The following NUFIP2 variants were observed in gnomAD, a reference collection of about 807,000 sequenced individuals.
NUFIP2 encodes FMR1-interacting protein NUFIP2.
In NUFIP2, 6 loss-of-function variants were observed where a neutral mutation model predicts 56.9. That is an observed-to-expected ratio of 0.11 (90% CI 0.06 to 0.21). The LOEUF is 0.21. Ranked by LOEUF, NUFIP2 falls within the 10% of genes least tolerant of loss-of-function variation. The pLI is 1.00. For synonymous variants in NUFIP2, 321 were observed against 298.2 expected, an observed-to-expected ratio of 1.08 and a Z score of -0.79; for missense variants, 828 against 826.8, an observed-to-expected ratio of 1.00 and a Z score of -0.02.
In NUFIP2 at chr17:29,280,744, C is replaced by T. The variant is rs567746857; in HGVS notation, c.2002+5248G>A. ...CTCATGCCTGTAATCCCAGCACTTT[C>T]GGAGGCGGAGGTGGGCGGAGAACTT... On this transcript the variant is annotated intron_variant, in intron 2 of 3. Transcript: ENST00000225388. 1.6e-4 allele frequency among the ~76,000 whole-genome samples: 24 copies of T among 151,862 alleles called. 2 individuals are homozygous for T. In the East Asian group the frequency reaches 3.9e-3, roughly 25 times the overall value.
chr17:29,284,821 A>G (rs1338180952), intron 2 of NUFIP2, among the ~76,000 whole-genome samples: 1 of 152,054 alleles, frequency 6.6e-6, no homozygotes, highest in Non-Finnish European at 1.5e-5. Flanking sequence ...GGAGAATCCC[A>G]AGAGCCTGGT....
In NUFIP2 at chr17:29,264,527, C is replaced by A; in HGVS notation, c.*12G>T. 1 of 1,595,442 alleles carries A rather than the reference C, an allele frequency of 6.3e-7. No individual in the cohort carries two copies. Among genetic ancestry groups the A allele is most frequent in the Non-Finnish European group, 8.6e-7 (1 of 1,163,688 alleles). On this transcript the variant is annotated 3_prime_UTR_variant, in exon 4 of 4. Coordinates refer to ENST00000225388, the MANE Select transcript of NUFIP2 (RefSeq NM_020772.3). Reference sequence around the variant, plus strand: ...ATGCTGCAGAAAGGTTACGAATAGGCAGTCTGGTCCTTCATTGATCTGGAC... The same window carrying A: ...ATGCTGCAGAAAGGTTACGAATAGGAAGTCTGGTCCTTCATTGATCTGGAC...
rs2069170997 is a variant in NUFIP2, at chr17:29,285,984, T to C, written c.2002+8A>G. The C allele has an allele frequency of 3.2e-6, 5 of 1,577,168 alleles. No individual in the cohort carries two copies. The highest frequency in any genetic ancestry group is 4.3e-6 in the Non-Finnish European group (5 of 1,162,144). On this transcript the variant is annotated splice_region_variant and intron_variant, in intron 2 of 3. Transcript: ENST00000225388. ...TAAAAATCTTTGTATAGGAAACAAA[T>C]GAGTTACCTTTAGTGTGATATACAA...
At position 29,287,241 on chromosome 17, in the gene NUFIP2, G is replaced by A; in HGVS notation, c.753C>T (p.Val251=). 1 of 1,614,140 alleles carries A rather than the reference G, an allele frequency of 6.2e-7. No individual in the cohort carries two copies. The highest frequency in any genetic ancestry group is 8.5e-7 in the Non-Finnish European group (1 of 1,180,026). ...TTTCAAGTCCCTGTTTTAAGGTTGGGACACTGGTCTCTTGTTGCATTATTT... is the reference window on the plus strand; with the variant it reads ...TTTCAAGTCCCTGTTTTAAGGTTGGAACACTGGTCTCTTGTTGCATTATTT... The part of the protein sequence containing the change: ...QDKIMQQETS[V]PTLKQGLETF... The change falls in exon 2 of 4, where the codon GTC becomes GTT. Residue 251 remains valine, a synonymous_variant. Transcript: ENST00000225388.
Position 29,276,029 on chromosome 17 carries a change from A to AATATATATATATATAT in NUFIP2, c.2003-8515_2003-8500dup, listed in dbSNP as rs71135888. 2.3e-3 allele frequency among the ~76,000 whole-genome samples: 320 copies of AATATATATATATATAT among 138,176 alleles called. 7 individuals carry two copies. Among genetic ancestry groups the AATATATATATATATAT allele is most frequent in the African/African-American group, 8.3e-3 (298 of 35,754 alleles). 90.6% of individuals were successfully genotyped at this position (138,176 alleles called of 152,430 possible). On this transcript the variant is annotated intron_variant, in intron 2 of 3. Transcript: ENST00000225388. Reference sequence around the variant, plus strand: ...GGTGACAGAGTAAGACTCCGTCTCAAATATATATATATATATATATCTGAA... The same window carrying AATATATATATATATAT: ...GGTGACAGAGTAAGACTCCGTCTCAAATATATATATATATATATATATATATATATATATATCTGAA...
In NUFIP2 at chr17:29,286,725, A is replaced by C; in HGVS notation, c.1269T>G (p.Thr423=). ...CCCCTGGAGGATAAACATTTCCATC[A>C]GTCCCTGCTAAAACAGGCCCATTAG... is the stretch of plus-strand genomic sequence containing the variant. ...NFSNGPVLAG[T]DGNVYPPGGQ... The change falls in exon 2 of 4, where the codon ACT becomes ACG. Residue 423 remains threonine, a synonymous_variant. Coordinates refer to ENST00000225388, the MANE Select transcript of NUFIP2 (RefSeq NM_020772.3). 1 of 1,614,156 alleles carries C rather than the reference A, an allele frequency of 6.2e-7. No homozygotes were observed. The highest frequency in any genetic ancestry group is 8.5e-7 in the Non-Finnish European group (1 of 1,180,030).
chr17:29,289,932 TTC>T (rs1491334000), intron 1 of NUFIP2, among the ~76,000 whole-genome samples: 2 of 152,190 alleles, frequency 1.3e-5, no homozygotes, highest in African/African-American at 4.8e-5. Context: ...GTTATTTTTT[TTC>T]TTTTTTTGAG....
chr17:29,287,782 C>A (rs554267953), intron 1 of NUFIP2, 66 bp from the exon 2 acceptor site: 36 of 1,378,022 alleles, frequency 2.6e-5, no homozygotes, highest in African/African-American at 5.9e-5. Flanking sequence ...TAATACCTAA[C>A]ATTTAAGAAC....
rs147602967 is a variant in NUFIP2, at chr17:29,287,298, C to G, written c.696G>C (p.Lys232Asn). Residue 232 changes from lysine (K) to asparagine (N), a missense_variant, in exon 2 of 4, where the codon AAG (lysine) becomes AAC (asparagine). Lys to Asn is a moderately conservative substitution (Grantham distance 94). Transcript: ENST00000225388. Reference protein sequence around the residue: ...KKRKARRNSAKGCENLNIVQD... With the variant: ...KKRKARRNSANGCENLNIVQD... Reference sequence around the variant, plus strand: ...GCACTATATTAAGGTTTTCACAACCCTTGGCACTATTGCGCCTAGCTTTCC... The same window carrying G: ...GCACTATATTAAGGTTTTCACAACCGTTGGCACTATTGCGCCTAGCTTTCC... 1 of 1,614,078 alleles carries G rather than the reference C, an allele frequency of 6.2e-7. No individual in the cohort carries two copies. Among genetic ancestry groups the G allele is most frequent in the Admixed American group, 1.7e-5 (1 of 59,996 alleles).
At position 29,258,801 on chromosome 17, in the gene NUFIP2, G is replaced by A. The variant is rs1177361943; in HGVS notation, c.*5738C>T. The A allele has an allele frequency of 1.3e-5, 2 of 152,150 alleles. No homozygotes were observed. Among genetic ancestry groups the A allele is most frequent in the Admixed American group, 1.3e-4 (2 of 15,276 alleles). 9.4% of individuals were successfully genotyped at this position (152,150 alleles called of 1,614,324 possible). A position where few individuals can be genotyped will look rare whatever the true frequency, so the allele number is the denominator to read the frequency against. The stretch of plus-strand genomic sequence containing the variant: ...CAAAGCAACCTATGGTATATGTATG[G>A]TATATAGTAATGTAAAAAGTGCATC... On this transcript the variant is annotated 3_prime_UTR_variant, in exon 4 of 4. Transcript: ENST00000225388.
chr17:29,267,396 A>T, intron 3 of NUFIP2, 102 bp downstream of exon 3: 1 of 671,598 alleles, frequency 1.5e-6, no homozygotes, highest in South Asian at 1.8e-5. Context: ...CTCAAAATAC[A>T]AAGTCTATTT....
chr17:29,278,242 G>A (rs1315115541), intron 2 of NUFIP2, among the ~76,000 whole-genome samples: 1 of 149,746 alleles, frequency 6.7e-6, no homozygotes, highest in Admixed American at 6.6e-5. Flanking sequence ...CTAATCTCAT[G>A]TACTTTATTA....
rs1257653678 is a variant in NUFIP2 at position 29,256,604 on chromosome 17, C to T, written c.*7935G>A. On this transcript the variant is annotated 3_prime_UTR_variant, in exon 4 of 4. Transcript: ENST00000225388. ...TTTATGTAGGAGCATGGGGAAAATG[C>T]TATCAGTAATATCTTCTACTTAAAC... 4 of 151,696 alleles carry T rather than the reference C, an allele frequency of 2.6e-5. No individual in the cohort carries two copies. The highest frequency in any genetic ancestry group is 5.9e-5 in the Non-Finnish European group (4 of 67,946). The allele number at this position is 151,696 out of a possible 1,614,324, so 9.4% of individuals were successfully genotyped here.
chr17:29,273,015 A>T (rs1048436407), intron 2 of NUFIP2, among the ~76,000 whole-genome samples: 2 of 145,190 alleles, frequency 1.4e-5, no homozygotes, highest in African/African-American at 2.5e-5. Context: ...AGGCCCAGCT[A>T]ATATATATAT....
intron 2 of NUFIP2, among the ~76,000 whole-genome samples, chr17:29,280,926 A>T (rs2069135870): frequency 6.6e-6 from 1 of 151,242 alleles, no homozygotes; most frequent in African/African-American, 2.4e-5. Flanking sequence ...CAGAGGTTGC[A>T]GCGAGCCAAG....
intron 2 of NUFIP2, among the ~76,000 whole-genome samples, chr17:29,280,486 G>C (rs1292582145): frequency 6.6e-6 from 1 of 152,116 alleles, no homozygotes; most frequent in Non-Finnish European, 1.5e-5. Context: ...CAATACTTAA[G>C]GAGGCTGAAG....
chr17:29,277,968 C>T (rs1295510719), intron 2 of NUFIP2, among the ~76,000 whole-genome samples: 4 of 151,812 alleles, frequency 2.6e-5, no homozygotes, highest in Non-Finnish European at 4.4e-5. Flanking sequence ...GCCGAGATCG[C>T]GCCACTGGAC....
At chr17:29,278,993 C>CT (rs1437150305) in intron 2 of NUFIP2, among the ~76,000 whole-genome samples, 1 of 152,136 alleles carries the variant, frequency 6.6e-6, no homozygotes, top group Admixed American at 6.5e-5. Context: ...AACAAGTACC[C>CT]TTTCCAAATC....
chr17:29,270,264 A>T (rs1019504102), intron 2 of NUFIP2, among the ~76,000 whole-genome samples: 1 of 151,600 alleles, frequency 6.6e-6, no homozygotes, highest in Admixed American at 6.6e-5. Context: ...GAAAGGCAGG[A>T]AAATTCCCTT....
Sources: gnomAD v4.1 joint callset for allele counts (sites outside exome capture counted in the v4.1 genomes callset) on GRCh38, gnomAD v4.1.1 for gene constraint, MANE v1.5 for transcripts, NCBI Gene and HGNC (gene_info 2026-07-23, HGNC 2026-07-21) for gene names.